The following NCKAP5 variants were observed in gnomAD, a reference collection of about 807,000 sequenced individuals.
NCKAP5 encodes nck-associated protein 5.
Under a neutral mutation model 167.0 loss-of-function variants are expected in NCKAP5, and 92 were observed. The ratio of observed to expected loss-of-function variants is 0.55; its 90% CI spans 0.47 to 0.66. The LOEUF (loss-of-function observed/expected upper bound fraction) is 0.66, where lower values mean the gene tolerates loss of function less well. Ranked by LOEUF, NCKAP5 falls within the 30% of genes least tolerant of loss-of-function variation. The pLI, the probability that NCKAP5 is intolerant of heterozygous loss-of-function variation, is 0.00. For missense variants in NCKAP5, 2,378 were observed against 2,315.0 expected (o/e 1.03, Z -0.56); for synonymous variants, 891 against 877.4 (o/e 1.02, Z -0.27).
chr2:133,611,819 C>A, the NCKAP5 span, among the ~76,000 whole-genome samples: 1 of 152,158 alleles, frequency 6.6e-6, no homozygotes, highest in Admixed American at 6.6e-5. Context: ...GACGAATCTT[C>A]TCTTTTATAG....
intron 2 of NCKAP5, among the ~76,000 whole-genome samples, chr2:133,518,768 GA>G (rs1469338822): frequency 6.6e-6 from 1 of 152,072 alleles, no homozygotes; most frequent in Non-Finnish European, 1.5e-5. Context: ...TGATGTATGG[GA>G]ATATGATTTG....
At chr2:132,708,436 G>C (rs1416614991) in intron 19 of NCKAP5, among the ~76,000 whole-genome samples, 1 of 152,146 alleles carries the variant, frequency 6.6e-6, no homozygotes, top group Non-Finnish European at 1.5e-5. Context: ...CATGGGCCTA[G>C]GGCAGTGGTG....
chr2:133,083,225 C>CA lies in NCKAP5; in HGVS notation c.341+46752dup, dbSNP rs146816164. 1.2e-3 allele frequency among the ~76,000 whole-genome samples: 180 copies of CA among 150,696 alleles called. 1 individual carries two copies. Among genetic ancestry groups the CA allele is most frequent in the Non-Finnish European group, 1.9e-3 (129 of 67,634 alleles). ...TGGCCACTTGCATATTAGACAGGGC[C>CA]AAAAAAAAATCACACCAAGCCAAAA... is the stretch of plus-strand genomic sequence containing the variant. On this transcript the variant is annotated intron_variant, in intron 6 of 19. Transcript: ENST00000409261.
At chr2:133,377,928 G>A (rs1240212250) in intron 3 of NCKAP5, among the ~76,000 whole-genome samples, 1 of 152,124 alleles carries the variant, frequency 6.6e-6, no homozygotes, top group Non-Finnish European at 1.5e-5. Flanking sequence ...ATTGGCTGGG[G>A]GCAGGGCTGC....
chr2:132,790,261 A>G lies in NCKAP5; in HGVS notation c.910-56T>C, dbSNP rs1683953501. 8.1e-6 allele frequency: 12 copies of G among 1,477,180 alleles called. No individual in the cohort carries two copies. The South Asian group carries it at 1.4e-4, about 17-fold the overall frequency. 91.5% of individuals were successfully genotyped at this position (1,477,180 alleles called of 1,614,324 possible). A position where few individuals can be genotyped will look rare whatever the true frequency, so the allele number is the denominator to read the frequency against. Reference sequence around the variant, plus strand: ...CTTTGCTCAGAGGAGAGTAAATATCAACACAACCTTATGGTGAGGTAGATG... The same window carrying G: ...CTTTGCTCAGAGGAGAGTAAATATCGACACAACCTTATGGTGAGGTAGATG... On this transcript the variant is annotated intron_variant, in intron 12 of 19. Transcript: ENST00000409261.
At chr2:133,120,723 A>G (rs1328760377) in intron 6 of NCKAP5, among the ~76,000 whole-genome samples, 2 of 152,176 alleles carry the variant, frequency 1.3e-5, no homozygotes, top group African/African-American at 4.8e-5. Flanking sequence ...GAGATGAGAA[A>G]TCAGGTCTTC....
At chr2:133,332,035 A>C (rs1017702571) in intron 3 of NCKAP5, among the ~76,000 whole-genome samples, 1 of 152,208 alleles carries the variant, frequency 6.6e-6, no homozygotes, top group South Asian at 2.1e-4. Context: ...AGACCCCAAC[A>C]CCACCATCTC....
At chr2:133,165,059 A>G (rs188229580) in intron 5 of NCKAP5, among the ~76,000 whole-genome samples, 1 of 143,920 alleles carries the variant, frequency 6.9e-6, no homozygotes, top group African/African-American at 2.6e-5. Context: ...ATGTCTTGAA[A>G]CTTTCGGGTG....
intron 11 of NCKAP5, among the ~76,000 whole-genome samples, chr2:132,827,478 GATCATATCAGGGTAATTAGCATATCC>G (rs1207831566): frequency 2.0e-5 from 3 of 152,250 alleles, no homozygotes; most frequent in African/African-American, 7.2e-5. Context: ...AATGTACAGT[GATCATATCAGGGTAATTAGCATATCC>G]ATCATCTCAA....
chr2:133,112,305 T>A (rs1394373309), intron 6 of NCKAP5, among the ~76,000 whole-genome samples: 1 of 152,038 alleles, frequency 6.6e-6, no homozygotes, highest in Non-Finnish European at 1.5e-5. Context: ...AAACCCCGTC[T>A]CTACTAAAAA....
chr2:133,093,154 A>C (rs1472895143), intron 6 of NCKAP5, among the ~76,000 whole-genome samples: 1 of 152,252 alleles, frequency 6.6e-6, no homozygotes, highest in Non-Finnish European at 1.5e-5. Context: ...AATAAATATT[A>C]GCTGTTACTA....
chr2:133,238,335 C>T (rs933167585), intron 4 of NCKAP5, among the ~76,000 whole-genome samples: 5 of 152,106 alleles, frequency 3.3e-5, no homozygotes, highest in South Asian at 2.1e-4. Flanking sequence ...TGGGTCATGG[C>T]GAAGGCAGTG....
chr2:132,877,795 A>G (rs1185707738), intron 9 of NCKAP5, among the ~76,000 whole-genome samples: 1 of 152,194 alleles, frequency 6.6e-6, no homozygotes, highest in African/African-American at 2.4e-5. Flanking sequence ...GGTAAGAAAT[A>G]TGAAGAGGAG....
intron 3 of NCKAP5, among the ~76,000 whole-genome samples, chr2:133,305,922 G>A (rs564885505): frequency 2.0e-5 from 3 of 152,216 alleles, no homozygotes; most frequent in East Asian, 1.9e-4. Flanking sequence ...AATGGATTGC[G>A]AAAAGAGACA....
rs565650854 is a variant in NCKAP5, at chr2:133,487,133, C to T, written c.69+30325G>A. Among the ~76,000 whole-genome samples the T allele has an allele frequency of 1.2e-4, 18 of 152,216 alleles. 1 individual carries two copies. The South Asian group carries it at 3.7e-3, about 32-fold the overall frequency. ...CACATTTCTTTCATACCCTCCCCAG[C>T]CACAAAGAAAATACAAATTCACACT... On this transcript the variant is annotated intron_variant, in intron 3 of 19. Transcript: ENST00000409261.
intron 8 of NCKAP5, among the ~76,000 whole-genome samples, chr2:132,900,642 T>C (rs986106348): frequency 1.3e-5 from 2 of 152,128 alleles, no homozygotes; most frequent in Admixed American, 6.5e-5. Context: ...TTATAGAGTA[T>C]GAAAACTGTT....
At chr2:133,299,474 C>G (rs552895282) in intron 4 of NCKAP5, among the ~76,000 whole-genome samples, 2 of 152,026 alleles carry the variant, frequency 1.3e-5, no homozygotes, top group Non-Finnish European at 2.9e-5. Context: ...GGGCCGGGCC[C>G]GGGGGCTCAC....
intron 6 of NCKAP5, among the ~76,000 whole-genome samples, chr2:133,096,995 C>A (rs1200070552): frequency 1.3e-5 from 2 of 152,168 alleles, no homozygotes; most frequent in Non-Finnish European, 2.9e-5. Flanking sequence ...AATGTAAGTT[C>A]TTTTCTTCCT....
At chr2:132,971,140 A>T (rs964533475) in intron 7 of NCKAP5, among the ~76,000 whole-genome samples, 3 of 152,248 alleles carry the variant, frequency 2.0e-5, no homozygotes, top group African/African-American at 7.2e-5. Context: ...GCAGAAGAAG[A>T]TAGCTATTAA....
Sources: gnomAD v4.1 joint callset for allele counts (sites outside exome capture counted in the v4.1 genomes callset) on GRCh38, gnomAD v4.1.1 for gene constraint, MANE v1.5 for transcripts, NCBI Gene and HGNC (gene_info 2026-07-23, HGNC 2026-07-21) for gene names.